C6orf163: variants seen among roughly 807,000 people sequenced by gnomAD.
C6orf163 encodes the protein chromosome 6 open reading frame 163.
Under a neutral mutation model 28.4 loss-of-function variants are expected in C6orf163, and 22 were observed. The ratio of observed to expected loss-of-function variants is 0.78; its 90% CI spans 0.55 to 1.11. C6orf163 has a LOEUF of 1.11. Ranked by LOEUF, C6orf163 falls within the 50% of genes least tolerant of loss-of-function variation. The pLI is 0.00. For synonymous variants in C6orf163, 110 were observed against 123.6 expected, an observed-to-expected ratio of 0.89 and a Z score of 0.73; for missense variants, 342 against 389.1, an observed-to-expected ratio of 0.88 and a Z score of 1.02.
chr6:87,356,184 G>C (rs1245549375), intron 3 of C6orf163, 117 bp from the exon 4 acceptor site: 1 of 832,744 alleles, frequency 1.2e-6, no homozygotes, highest in Non-Finnish European at 1.9e-6. Flanking sequence ...TAAATCATCA[G>C]TGTTAACAGG....
intron 4 of C6orf163, among the ~76,000 whole-genome samples, chr6:87,358,844 C>T (rs746502258): frequency 6.6e-6 from 1 of 152,062 alleles, no homozygotes; most frequent in Non-Finnish European, 1.5e-5. Flanking sequence ...AGGGTTAAGG[C>T]CTTAAAGGGA....
At chr6:87,348,595 G>A in intron 1 of C6orf163, 1 of 1,319,314 alleles carries the variant, frequency 7.6e-7, no homozygotes. Flanking sequence ...GTGATGAGGG[G>A]AATGACCAAC....
chr6:87,363,611 C>A (rs1184192739), intron 4 of C6orf163, among the ~76,000 whole-genome samples: 1 of 150,576 alleles, frequency 6.6e-6, no homozygotes, highest in African/African-American at 2.4e-5. Flanking sequence ...GTTTTTTGTT[C>A]TTGCAATAGT....
chr6:87,345,328 A>G (rs1235045730), intron 1 of C6orf163, 81 bp downstream of exon 1: 2 of 1,345,026 alleles, frequency 1.5e-6, no homozygotes, highest in African/African-American at 1.5e-5. Flanking sequence ...GACTTTTATC[A>G]GCTTTTTTCT....
chr6:87,352,791 C>T (rs969436577), intron 3 of C6orf163, among the ~76,000 whole-genome samples: 1 of 152,048 alleles, frequency 6.6e-6, no homozygotes, highest in Non-Finnish European at 1.5e-5. Context: ...CTCACCATGC[C>T]CATAAGGTAC....
At position 87,363,165 on chromosome 6, in the gene C6orf163, G is replaced by GAGGTCAA. The variant is rs1777603201; in HGVS notation, c.555-1795_555-1789dup. Among the ~76,000 whole-genome samples, 2 of 152,102 alleles carry GAGGTCAA rather than the reference G, an allele frequency of 1.3e-5. 1 individual carries two copies. Among genetic ancestry groups the GAGGTCAA allele is most frequent in the South Asian group, 4.1e-4 (2 of 4,822 alleles). On this transcript the variant is annotated intron_variant, in intron 4 of 4. Coordinates refer to ENST00000388923, the MANE Select transcript of C6orf163 (RefSeq NM_001010868.3). ...TCATTAACCTGCTTGGACATGGTAA[G>GAGGTCAA]AGGTCAACATGGTTGGCTGCTATGA...
intron 4 of C6orf163, chr6:87,357,229 T>A (rs563251556): frequency 1.8e-4 from 27 of 152,342 alleles, no homozygotes; most frequent in Admixed American, 1.6e-3. Context: ...ATATATGTAA[T>A]GATTCTTTGC....
intron 3 of C6orf163, 78 bp downstream of exon 3, chr6:87,350,579 A>G (rs1401404190): frequency 1.3e-5 from 11 of 815,762 alleles, no homozygotes; most frequent in Non-Finnish European, 2.1e-5. Flanking sequence ...GGAATGAGAA[A>G]AAAATAATAA....
intron 1 of C6orf163, chr6:87,348,503 A>T: frequency 9.2e-7 from 1 of 1,088,862 alleles, no homozygotes; most frequent in Non-Finnish European, 1.1e-6. Context: ...TTCACTCATC[A>T]TTCTACTTTG....
chr6:87,365,185 A>C lies in C6orf163; in HGVS notation c.779A>C (p.Glu260Ala). 1.3e-6 allele frequency: 2 copies of C among 1,551,798 alleles called. No individual in the cohort carries two copies. Among genetic ancestry groups the C allele is most frequent in the Non-Finnish European group, 1.7e-6 (2 of 1,147,012 alleles). ...MMDKLANTQGELLSIAKQLGI... is the reference protein window; with the variant it reads ...MMDKLANTQGALLSIAKQLGI... ...GATAAACTGGCTAACACCCAGGGGGAGCTGCTGTCTATAGCAAAACAACTG... is the reference window on the plus strand; with the variant it reads ...GATAAACTGGCTAACACCCAGGGGGCGCTGCTGTCTATAGCAAAACAACTG... The change falls in exon 5 of 5, where the codon GAG becomes GCG. Residue 260 changes from glutamate to alanine, a missense_variant. Glu to Ala is a moderately radical substitution (Grantham distance 107). Transcript: ENST00000388923.
At chr6:87,346,839 T>C (rs1777331951) in intron 1 of C6orf163, among the ~76,000 whole-genome samples, 1 of 152,216 alleles carries the variant, frequency 6.6e-6, no homozygotes, top group African/African-American at 2.4e-5. Flanking sequence ...TATTTCAAGA[T>C]AGTTTAAGAC....
chr6:87,344,867 A>G lies in C6orf163; in HGVS notation c.-233A>G. On this transcript the variant is annotated 5_prime_UTR_variant, in exon 1 of 5. Transcript: ENST00000388923. Reference sequence around the variant, plus strand: ...AAGGAGCAACTACTTAAATCTTCCCAAATCTGGTGCCCATACCTTCTATGG... The same window carrying G: ...AAGGAGCAACTACTTAAATCTTCCCGAATCTGGTGCCCATACCTTCTATGG... The G allele has an allele frequency of 2.9e-6, 1 of 343,764 alleles. No homozygotes were observed. The highest frequency in any genetic ancestry group is 5.2e-6 in the Non-Finnish European group (1 of 191,420). 21.3% of individuals were successfully genotyped at this position (343,764 alleles called of 1,614,324 possible). A position where few individuals can be genotyped will look rare whatever the true frequency, so the allele number is the denominator to read the frequency against.
At chr6:87,360,346 A>G (rs1487460126) in intron 4 of C6orf163, among the ~76,000 whole-genome samples, 4 of 149,724 alleles carry the variant, frequency 2.7e-5, no homozygotes, top group Non-Finnish European at 4.4e-5. Context: ...AGAATTGGCT[A>G]TTTTCCTATG....
At chr6:87,360,871 A>G (rs920341260) in intron 4 of C6orf163, among the ~76,000 whole-genome samples, 2 of 152,118 alleles carry the variant, frequency 1.3e-5, no homozygotes, top group African/African-American at 4.8e-5. Flanking sequence ...TAGGCAGGGG[A>G]GATACAAAGA....
rs1005874952 is a variant in C6orf163 at position 87,365,068 on chromosome 6, A to G, written c.662A>G (p.Tyr221Cys). 3.2e-6 allele frequency: 5 copies of G among 1,551,742 alleles called. No individual in the cohort carries two copies. The highest frequency in any genetic ancestry group is 1.2e-5 in the South Asian group (1 of 84,068). ...AAAGAACATGAAATGAGCATCCTCT[A>G]TGGCATAGCTCAGAGGCAGAGGCAA... ...REKEHEMSIL[Y>C]GIAQRQRQEE... Residue 221 changes from tyrosine to cysteine, a missense_variant, in exon 5 of 5, where the codon TAT becomes TGT. Coordinates refer to ENST00000388923, the MANE Select transcript of C6orf163 (RefSeq NM_001010868.3).
chr6:87,345,069 G>GT lies in C6orf163; in HGVS notation c.-30dup. ...TTCTGATTCTAAGATTATTTTAACTGTAAGTAGGAGAAGACATCTGAAATT... is the reference window on the plus strand; with the variant it reads ...TTCTGATTCTAAGATTATTTTAACTGTTAAGTAGGAGAAGACATCTGAAATT... On this transcript the variant is annotated 5_prime_UTR_variant, in exon 1 of 5. Coordinates refer to ENST00000388923, the MANE Select transcript of C6orf163 (RefSeq NM_001010868.3). 1 of 1,483,740 alleles carries GT rather than the reference G, an allele frequency of 6.7e-7. No individual in the cohort carries two copies. Among genetic ancestry groups the GT allele is most frequent in the South Asian group, 1.3e-5 (1 of 77,088 alleles). 91.9% of individuals were successfully genotyped at this position (1,483,740 alleles called of 1,614,324 possible).
At chr6:87,352,484 GT>G (rs1777432115) in intron 3 of C6orf163, among the ~76,000 whole-genome samples, 1 of 152,152 alleles carries the variant, frequency 6.6e-6, no homozygotes. Flanking sequence ...CTTACGTGAT[GT>G]TAAGAGTTTG....
At chr6:87,348,933 A>C (rs1382625158) in intron 2 of C6orf163, 27 bp downstream of exon 2, 6 of 1,535,608 alleles carry the variant, frequency 3.9e-6, no homozygotes, top group Non-Finnish European at 5.2e-6. Flanking sequence ...GTCAACCTAA[A>C]GTCCATCTTT....
At chr6:87,348,285 A>G (rs1777358604) in intron 1 of C6orf163, 1 of 985,160 alleles carries the variant, frequency 1.0e-6, no homozygotes, top group Non-Finnish European at 1.2e-6. Context: ...TTATTTGGAA[A>G]TCAAATTAGA....
Sources: gnomAD v4.1 joint callset for allele counts (sites outside exome capture counted in the v4.1 genomes callset) on GRCh38, gnomAD v4.1.1 for gene constraint, MANE v1.5 for transcripts, NCBI Gene and HGNC (gene_info 2026-07-23, HGNC 2026-07-21) for gene names.